Variants in EDIL3 observed in about 807,000 individuals in gnomAD.
EDIL3 encodes EGF like and discoidin domains 3.
EDIL3 carries 37 observed loss-of-function variants against 67.4 expected under a neutral mutation model. That is an observed-to-expected ratio of 0.55 (90% CI 0.42 to 0.72). The LOEUF is 0.72. EDIL3 is among the 30% of genes least tolerant of loss of function. The probability of loss-of-function intolerance (pLI) is 0.00; values close to 1 mark genes in which losing one functional copy is unlikely to be tolerated. For missense variants in EDIL3, 527 were observed against 586.3 expected, an observed-to-expected ratio of 0.90 and a Z score of 1.04; for synonymous variants, 195 against 196.3, an observed-to-expected ratio of 0.99 and a Z score of 0.05.
chr5:84,028,028 A>G (rs1745848128), intron 9 of EDIL3, among the ~76,000 whole-genome samples: 1 of 152,164 alleles, frequency 6.6e-6, no homozygotes, highest in Admixed American at 6.5e-5. Context: ...TATGAACTCC[A>G]GTGTCCCAAG....
intron 1 of EDIL3, among the ~76,000 whole-genome samples, chr5:84,357,870 G>T (rs912323971): frequency 2.7e-5 from 4 of 146,486 alleles, no homozygotes; most frequent in African/African-American, 1.0e-4. Context: ...CCTGGGTGAT[G>T]GAGTGAGACT....
intron 1 of EDIL3, among the ~76,000 whole-genome samples, chr5:84,261,043 T>C (rs1260161642): frequency 6.6e-6 from 1 of 152,210 alleles, no homozygotes; most frequent in Admixed American, 6.5e-5. Context: ...ATCTATTGCT[T>C]TCTTGTTGAA....
At chr5:84,176,636 G>A (rs1417853663) in intron 4 of EDIL3, among the ~76,000 whole-genome samples, 2 of 151,794 alleles carry the variant, frequency 1.3e-5, no homozygotes, top group African/African-American at 2.4e-5. Flanking sequence ...CCCAAATGCA[G>A]CTGTCAGCAC....
intron 9 of EDIL3, among the ~76,000 whole-genome samples, chr5:83,970,041 C>G (rs569250819): frequency 6.6e-6 from 1 of 151,676 alleles, no homozygotes; most frequent in African/African-American, 2.4e-5. Flanking sequence ...TACCTAACTT[C>G]CCATGCCCTC....
intron 5 of EDIL3, among the ~76,000 whole-genome samples, chr5:84,118,271 C>T (rs757385240): frequency 1.3e-5 from 2 of 151,986 alleles, no homozygotes; most frequent in Non-Finnish European, 2.9e-5. Context: ...GTAATATATC[C>T]TTAGTGCCTT....
At chr5:84,146,520 T>C (rs571775817) in intron 4 of EDIL3, among the ~76,000 whole-genome samples, 2 of 152,230 alleles carry the variant, frequency 1.3e-5, no homozygotes, top group South Asian at 2.1e-4. Context: ...TAACCTAATA[T>C]TGGCATTTCT....
chr5:84,222,279 T>C (rs1011476777), intron 3 of EDIL3, among the ~76,000 whole-genome samples: 1 of 151,974 alleles, frequency 6.6e-6, no homozygotes, highest in Non-Finnish European at 1.5e-5. Flanking sequence ...GCTTCAACTC[T>C]TTACTACTGC....
intron 9 of EDIL3, among the ~76,000 whole-genome samples, chr5:84,022,179 A>G (rs1461081904): frequency 6.6e-6 from 1 of 151,898 alleles, no homozygotes; most frequent in East Asian, 1.9e-4. Context: ...ATACTACCAA[A>G]ACATATTCAA....
chr5:84,324,946 T>C (rs538793243), intron 1 of EDIL3, among the ~76,000 whole-genome samples: 1 of 151,270 alleles, frequency 6.6e-6, no homozygotes, highest in Non-Finnish European at 1.5e-5. Context: ...AAATCCCTGG[T>C]GTCTTCACTG....
chr5:84,040,521 A>ATC (rs1329150909), intron 9 of EDIL3, among the ~76,000 whole-genome samples: 4 of 149,042 alleles, frequency 2.7e-5, no homozygotes, highest in Admixed American at 2.0e-4. Context: ...ATAATTATAT[A>ATC]TATATATATT....
intron 9 of EDIL3, among the ~76,000 whole-genome samples, chr5:84,058,983 A>G (rs1277852831): frequency 6.6e-6 from 1 of 152,188 alleles, no homozygotes; most frequent in East Asian, 1.9e-4. Context: ...TACCTATAGC[A>G]TGTGCTAGCT....
In EDIL3 at chr5:84,064,805, T is replaced by G; in HGVS notation, c.847A>C (p.Asn283His). 6.2e-7 allele frequency: 1 copy of G among 1,613,758 alleles called. No individual in the cohort carries two copies. Among genetic ancestry groups the G allele is most frequent in the Non-Finnish European group, 8.5e-7 (1 of 1,179,770 alleles). ...GCTTTTATGGGGGGTGTGAAAGAGTTAGCATATGGAGTGTTGTTATCAATG... is the reference window on the plus strand; with the variant it reads ...GCTTTTATGGGGGGTGTGAAAGAGTGAGCATATGGAGTGTTGTTATCAATG... ...GNIDNNTPYA[N>H]SFTPPIKAQY... The change falls in exon 8 of 11, where the codon AAC (asparagine) becomes CAC (histidine). Residue 283 changes from asparagine to histidine, a missense_variant. Physicochemically the swap from Asn to His is moderately conservative, Grantham distance 68. Transcript: ENST00000296591.
chr5:84,384,387 C>T lies in EDIL3; in HGVS notation c.-13G>A, dbSNP rs748034245. On this transcript the variant is annotated 5_prime_UTR_variant, in exon 1 of 11. Coordinates refer to ENST00000296591, the MANE Select transcript of EDIL3 (RefSeq NM_005711.5). ...CCGAGCGCTTCATGATCCCGTCTCC[C>T]GGACGTGACCCCGGCTGGTCAGGGG... 4 of 1,611,956 alleles carry T rather than the reference C, an allele frequency of 2.5e-6. No individual in the cohort carries two copies. The highest frequency in any genetic ancestry group is 3.4e-6 in the Non-Finnish European group (4 of 1,179,110).
Position 84,232,568 on chromosome 5 carries a change from G to A in EDIL3, c.197-2684C>T, listed in dbSNP as rs143863132. ...AAGCAAATCCCACAGGGCAAGCTGT[G>A]CACCAATCTACACTTGAATTTGCAA... is the stretch of plus-strand genomic sequence containing the variant. On this transcript the variant is annotated intron_variant, in intron 2 of 10. Coordinates refer to ENST00000296591, the MANE Select transcript of EDIL3 (RefSeq NM_005711.5). Among the ~76,000 whole-genome samples, 15 of 151,032 alleles carry A rather than the reference G, an allele frequency of 9.9e-5. No homozygotes were observed. The East Asian group carries it at 2.5e-3, about 26-fold the overall frequency.
intron 4 of EDIL3, among the ~76,000 whole-genome samples, chr5:84,151,327 A>G (rs1748385901): frequency 6.6e-6 from 1 of 151,964 alleles, no homozygotes; most frequent in Non-Finnish European, 1.5e-5. Context: ...AAAGGCCCAC[A>G]GAACTAATGA....
chr5:84,367,756 C>A (rs546344681), intron 1 of EDIL3, among the ~76,000 whole-genome samples: 2 of 152,232 alleles, frequency 1.3e-5, no homozygotes, highest in South Asian at 4.1e-4. Context: ...GCACTCCAGC[C>A]GTAGATGATG....
At chr5:84,294,482 A>C (rs1746001242) in intron 1 of EDIL3, among the ~76,000 whole-genome samples, 1 of 151,996 alleles carries the variant, frequency 6.6e-6, no homozygotes, top group African/African-American at 2.4e-5. Flanking sequence ...AATATTCATA[A>C]GAAATAAAAC....
At chr5:83,956,477 T>A (rs183906843) in intron 10 of EDIL3, among the ~76,000 whole-genome samples, 6 of 151,734 alleles carry the variant, frequency 4.0e-5, no homozygotes, top group Admixed American at 1.3e-4. Context: ...TACTCATTGA[T>A]GACAATATGC....
chr5:84,030,350 AT>A (rs1192542245), intron 9 of EDIL3, among the ~76,000 whole-genome samples: 1 of 152,120 alleles, frequency 6.6e-6, no homozygotes, highest in Middle Eastern at 3.2e-3. Flanking sequence ...ATTGATCTAC[AT>A]TTTTTTCATG....
Sources: gnomAD v4.1 joint callset for allele counts (sites outside exome capture counted in the v4.1 genomes callset) on GRCh38, gnomAD v4.1.1 for gene constraint, MANE v1.5 for transcripts, NCBI Gene and HGNC (gene_info 2026-07-23, HGNC 2026-07-21) for gene names.